Variants in EYA4 observed in about 807,000 individuals in gnomAD.
EYA4 encodes protein phosphatase EYA4.
In EYA4, 31 loss-of-function variants were observed where a neutral mutation model predicts 87.9. That is an observed-to-expected ratio of 0.35 (90% CI 0.27 to 0.48). The LOEUF (loss-of-function observed/expected upper bound fraction) is 0.48. Ranked by LOEUF, EYA4 falls within the 20% of genes least tolerant of loss-of-function variation. EYA4 has a pLI of 0.99. For synonymous variants in EYA4, 263 were observed against 270.6 expected, an observed-to-expected ratio of 0.97 and a Z score of 0.28; for missense variants, 678 against 761.4, an observed-to-expected ratio of 0.89 and a Z score of 1.29.
intron 2 of EYA4, among the ~76,000 whole-genome samples, chr6:133,373,350 G>A (rs1202181002): frequency 6.6e-6 from 1 of 151,950 alleles, no homozygotes; most frequent in Admixed American, 6.6e-5. Flanking sequence ...AATTTATAAA[G>A]ATATAGAATA....
intron 2 of EYA4, among the ~76,000 whole-genome samples, chr6:133,315,837 T>C (rs1780579094): frequency 6.6e-6 from 1 of 152,228 alleles, no homozygotes; most frequent in Admixed American, 6.5e-5. Flanking sequence ...GAAAGATGTT[T>C]TGCATCTTCT....
chr6:133,501,418 A>G (rs1798106399), intron 13 of EYA4, among the ~76,000 whole-genome samples: 1 of 152,106 alleles, frequency 6.6e-6, no homozygotes, highest in Admixed American at 6.6e-5. Flanking sequence ...CACTCAATAA[A>G]TATATGATGA....
At chr6:133,449,272 A>G (rs1474777293) in intron 5 of EYA4, among the ~76,000 whole-genome samples, 1 of 152,236 alleles carries the variant, frequency 6.6e-6, no homozygotes, top group East Asian at 1.9e-4. Context: ...CTATGGTCCA[A>G]TAAAACTTCA....
At chr6:133,303,904 A>G (rs910807758) in intron 2 of EYA4, among the ~76,000 whole-genome samples, 38 of 151,926 alleles carry the variant, frequency 2.5e-4, no homozygotes, top group Admixed American at 2.4e-3. Flanking sequence ...TGAGATTATT[A>G]GCTCCTGGCT....
chr6:133,290,253 A>G (rs903278647), intron 2 of EYA4, among the ~76,000 whole-genome samples: 1 of 152,166 alleles, frequency 6.6e-6, no homozygotes, highest in African/African-American at 2.4e-5. Flanking sequence ...GTGTGGCTTG[A>G]GAGTTGGCAA....
At chr6:133,273,098 T>TATATATATATATATATATATAA (rs1554213959) in intron 1 of EYA4, among the ~76,000 whole-genome samples, 1,539 of 83,026 alleles carry the variant, frequency 0.019, 11 homozygotes, top group Middle Eastern at 0.03. Flanking sequence ...TATATATATG[T>TATATATATATATATATATATAA]ATATATATAT....
chr6:133,475,701 G>A (rs1795660944), intron 11 of EYA4, among the ~76,000 whole-genome samples: 1 of 152,064 alleles, frequency 6.6e-6, no homozygotes. Flanking sequence ...ATGCCCTTGT[G>A]CAATTACCTG....
At chr6:133,324,137 C>T (rs578144159) in intron 2 of EYA4, among the ~76,000 whole-genome samples, 2 of 152,268 alleles carry the variant, frequency 1.3e-5, no homozygotes, top group Admixed American at 6.5e-5. Flanking sequence ...ATATTCTCCA[C>T]TGCTGTCCAA....
At position 133,333,896 on chromosome 6, in the gene EYA4, G is replaced by T. The variant is rs370945120; in HGVS notation, c.34-48496G>T. Among the ~76,000 whole-genome samples, 7 of 152,216 alleles carry T rather than the reference G, an allele frequency of 4.6e-5. 1 individual carries two copies. Among genetic ancestry groups the T allele is most frequent in the East Asian group, 1.9e-4 (1 of 5,178 alleles). ...TTTTTCAGATAGCTAAGCTAATCTTGCCTTCTGAAAAAAGGTTTTTTTAGG... is the reference window on the plus strand; with the variant it reads ...TTTTTCAGATAGCTAAGCTAATCTTTCCTTCTGAAAAAAGGTTTTTTTAGG... On this transcript the variant is annotated intron_variant, in intron 2 of 19. Coordinates refer to ENST00000355286, the MANE Select transcript of EYA4 (RefSeq NM_004100.5).
Position 133,286,837 on chromosome 6 carries a change from T to G in EYA4, c.33+12024T>G, listed in dbSNP as rs1778101813. Among the ~76,000 whole-genome samples the G allele has an allele frequency of 2.0e-5, 3 of 152,224 alleles. No individual in the cohort carries two copies. In the South Asian group the frequency reaches 6.2e-4, roughly 32 times the overall value. ...TAGGCACTTCAGGTTAGGAAAGAAT[T>G]AATCTAATTAGAGTTTTTTAACCTC... On this transcript the variant is annotated intron_variant, in intron 2 of 19. Transcript: ENST00000355286.
Position 133,531,145 on chromosome 6 carries a change from C to A in EYA4, c.*2340C>A, listed in dbSNP as rs1446119008. The A allele has an allele frequency of 6.5e-7, 1 of 1,530,022 alleles. No homozygotes were observed. The highest frequency in any genetic ancestry group is 8.7e-7 in the Non-Finnish European group (1 of 1,143,718). The allele number at this position is 1,530,022 out of a possible 1,614,324, so 94.8% of individuals were successfully genotyped here. On this transcript the variant is annotated 3_prime_UTR_variant, in exon 20 of 20. Coordinates refer to ENST00000355286, the MANE Select transcript of EYA4 (RefSeq NM_004100.5). ...CACCCCTTGGAAGGGCAAAGAGAAG[C>A]CGGCTGGTTGCATCACCCCGTGCAG...
chr6:133,244,635 A>T (rs1440305862), intron 1 of EYA4, among the ~76,000 whole-genome samples: 1 of 151,258 alleles, frequency 6.6e-6, no homozygotes, highest in Admixed American at 6.6e-5. Flanking sequence ...GTTAAAAAAA[A>T]AAAAGGAAAA....
At chr6:133,306,969 A>AC (rs1779857109) in intron 2 of EYA4, among the ~76,000 whole-genome samples, 1 of 152,258 alleles carries the variant, frequency 6.6e-6, no homozygotes, top group South Asian at 2.1e-4. Context: ...TTTATTGCAC[A>AC]CACAGTAAGT....
At chr6:133,350,941 A>G (rs1388887962) in intron 2 of EYA4, among the ~76,000 whole-genome samples, 2 of 151,886 alleles carry the variant, frequency 1.3e-5, no homozygotes, top group African/African-American at 4.8e-5. Flanking sequence ...TTCAGATTAT[A>G]TTATCTCTGT....
intron 3 of EYA4, among the ~76,000 whole-genome samples, chr6:133,407,443 C>T (rs1290614394): frequency 6.6e-6 from 1 of 152,024 alleles, no homozygotes; most frequent in East Asian, 1.9e-4. Context: ...GGCTGTTACT[C>T]ACTCACCCCC....
intron 1 of EYA4, among the ~76,000 whole-genome samples, chr6:133,252,942 AACACACACACAC>A (rs3836960): frequency 0.22 from 29,846 of 138,660 alleles, 3,466 homozygotes; most frequent in East Asian, 0.42. Flanking sequence ...GGTACTTGAA[AACACACACACAC>A]ACACACACAC....
chr6:133,376,926 A>G (rs1363939511), intron 2 of EYA4, among the ~76,000 whole-genome samples: 1 of 152,028 alleles, frequency 6.6e-6, no homozygotes, highest in African/African-American at 2.4e-5. Flanking sequence ...AGTGTTGTGT[A>G]ATAAGAGAAA....
intron 2 of EYA4, among the ~76,000 whole-genome samples, chr6:133,351,770 C>A (rs751165724): frequency 3.3e-4 from 50 of 152,124 alleles, no homozygotes; most frequent in Non-Finnish European, 6.0e-4. Context: ...GAGAAAGATT[C>A]TTTTCCCATA....
intron 2 of EYA4, among the ~76,000 whole-genome samples, chr6:133,308,547 C>G (rs1779981201): frequency 6.6e-6 from 1 of 152,188 alleles, no homozygotes; most frequent in Non-Finnish European, 1.5e-5. Flanking sequence ...CTCCCTCCTT[C>G]CCCTTTCTAA....
Sources: gnomAD v4.1 joint callset for allele counts (sites outside exome capture counted in the v4.1 genomes callset) on GRCh38, gnomAD v4.1.1 for gene constraint, MANE v1.5 for transcripts, NCBI Gene and HGNC (gene_info 2026-07-23, HGNC 2026-07-21) for gene names.